Variants in IL1RAPL2 observed in about 807,000 individuals in gnomAD.
The protein encoded by IL1RAPL2 is X-linked interleukin-1 receptor accessory protein-like 2.
IL1RAPL2 carries 3 observed loss-of-function variants against 44.1 expected under a neutral mutation model. The observed-to-expected ratio is 0.07, with a 90% confidence interval of 0.03 to 0.18. The LOEUF (loss-of-function observed/expected upper bound fraction) is 0.18, where lower values mean the gene tolerates loss of function less well. Among genes scored for constraint, IL1RAPL2 ranks in the 10% least tolerant of loss-of-function variants. The probability of loss-of-function intolerance (pLI) is 1.00; values close to 1 mark genes in which losing one functional copy is unlikely to be tolerated. For synonymous variants in IL1RAPL2, 181 were observed against 178.8 expected (o/e 1.01, Z -0.10); for missense variants, 391 against 496.4 (o/e 0.79, Z 2.02).
At chrX:104,736,820 G>T (rs1030930054) in intron 2 of IL1RAPL2, among the ~76,000 whole-genome samples, 2 of 112,038 alleles carry the variant, frequency 1.8e-5, no homozygotes, top group Non-Finnish European at 3.8e-5. Context: ...AGCAATCCTG[G>T]CCTGAAAATA....
rs575732116 is a variant in IL1RAPL2, at chrX:105,637,027, A to T, written c.773-80340A>T. 2.7e-5 allele frequency among the ~76,000 whole-genome samples: 3 copies of T among 110,858 alleles called. No homozygotes were observed. The South Asian group carries it at 1.2e-3, about 43-fold the overall frequency. ...TGGCACTAAGTCTAACCTCTGGGCT[A>T]TTGGGTCATAGGAGAAGATGAGGGC... On this transcript the variant is annotated intron_variant, in intron 6 of 10. Coordinates refer to ENST00000372582, the MANE Select transcript of IL1RAPL2 (RefSeq NM_017416.2).
intron 2 of IL1RAPL2, among the ~76,000 whole-genome samples, chrX:104,962,443 C>G (rs1569352101): frequency 9.0e-6 from 1 of 111,496 alleles, no homozygotes; most frequent in Non-Finnish European, 1.9e-5. Flanking sequence ...AAAAAAAAAT[C>G]ATTTGCCCTA....
chrX:105,115,701 G>A (rs1216606354), intron 2 of IL1RAPL2, among the ~76,000 whole-genome samples: 2 of 112,988 alleles, frequency 1.8e-5, no homozygotes, highest in Non-Finnish European at 3.8e-5. Flanking sequence ...AGTGGGTCCC[G>A]CACTGGGCCG....
intron 6 of IL1RAPL2, among the ~76,000 whole-genome samples, chrX:105,558,327 T>G (rs1340361707): frequency 9.0e-6 from 1 of 111,669 alleles, no homozygotes; most frequent in East Asian, 2.8e-4. Flanking sequence ...TTAGCATGAG[T>G]GGCACATAAG....
rs1449784146 is a variant in IL1RAPL2, at chrX:105,685,969, G to A, written c.773-31398G>A. On this transcript the variant is annotated intron_variant, in intron 6 of 10. Coordinates refer to ENST00000372582, the MANE Select transcript of IL1RAPL2 (RefSeq NM_017416.2). Reference sequence around the variant, plus strand: ...AGCCAAACTAAGGTTCATAAGTGAAGGAGAAACAAAATCCTTTACAGACAA... The same window carrying A: ...AGCCAAACTAAGGTTCATAAGTGAAAGAGAAACAAAATCCTTTACAGACAA... 2.7e-5 allele frequency among the ~76,000 whole-genome samples: 3 copies of A among 111,105 alleles called. No homozygotes were observed. In the Admixed American group the frequency reaches 2.9e-4, roughly 11 times the overall value.
In IL1RAPL2 at chrX:104,889,080, G is replaced by T. The variant is rs138416667; in HGVS notation, c.82+230085G>T. ...GCCCCAACTGATCATAGTAACTTCC[G>T]AGTCACCCAAACAGCTCCATTCAGA... On this transcript the variant is annotated intron_variant, in intron 2 of 10. Coordinates refer to ENST00000372582, the MANE Select transcript of IL1RAPL2 (RefSeq NM_017416.2). 6.5e-3 allele frequency among the ~76,000 whole-genome samples: 720 copies of T among 110,915 alleles called. 3 individuals carry two copies. The highest frequency in any genetic ancestry group is 0.022 in the African/African-American group (685 of 30,462).
In IL1RAPL2 at chrX:105,468,570, G is replaced by A. The variant is rs192467825; in HGVS notation, c.698-15743G>A. Among the ~76,000 whole-genome samples, 506 of 111,678 alleles carry A rather than the reference G, an allele frequency of 4.5e-3. 2 individuals are homozygous for A. Among genetic ancestry groups the A allele is most frequent in the Non-Finnish European group, 6.1e-3 (322 of 53,073 alleles). ...TAATAATTTTTGAACAAGGGGCCAT[G>A]TTTTTCATTTTGCACTGGACCCTAC... On this transcript the variant is annotated intron_variant, in intron 5 of 10. Transcript: ENST00000372582.
At chrX:105,018,287 G>C (rs1191356735) in intron 2 of IL1RAPL2, among the ~76,000 whole-genome samples, 1 of 110,942 alleles carries the variant, frequency 9.0e-6, no homozygotes, top group Non-Finnish European at 1.9e-5. Context: ...TTACACTCTA[G>C]CCATGAATGA....
intron 2 of IL1RAPL2, among the ~76,000 whole-genome samples, chrX:105,067,853 C>A (rs1034681540): frequency 8.9e-6 from 1 of 111,869 alleles, no homozygotes; most frequent in Admixed American, 9.5e-5. Context: ...ATACAGAGAC[C>A]CTTTCCATCT....
chrX:105,159,077 A>G (rs1420969551), intron 2 of IL1RAPL2, among the ~76,000 whole-genome samples: 1 of 112,218 alleles, frequency 8.9e-6, no homozygotes, highest in Non-Finnish European at 1.9e-5. Flanking sequence ...TATGCACGTT[A>G]TCTAATTTAA....
At chrX:104,827,953 G>A (rs1426383472) in intron 2 of IL1RAPL2, among the ~76,000 whole-genome samples, 1 of 111,461 alleles carries the variant, frequency 9.0e-6, no homozygotes, top group African/African-American at 3.3e-5. Flanking sequence ...CGAAGTTCTC[G>A]TGCTGTGTTT....
At chrX:104,667,766 A>G (rs1930512714) in intron 2 of IL1RAPL2, among the ~76,000 whole-genome samples, 1 of 111,902 alleles carries the variant, frequency 8.9e-6, no homozygotes, top group African/African-American at 3.2e-5. Flanking sequence ...TTTAGGTTTC[A>G]GATGATCGAC....
intron 3 of IL1RAPL2, chrX:105,220,301 C>T (rs960253897): frequency 4.1e-6 from 5 of 1,208,486 alleles, no homozygotes; most frequent in African/African-American, 3.5e-5. Context: ...AGATAGAACT[C>T]GGGGCCTTTC....
chrX:104,748,992 G>A (rs1329134964), intron 2 of IL1RAPL2, among the ~76,000 whole-genome samples: 1 of 110,512 alleles, frequency 9.0e-6, no homozygotes, highest in Non-Finnish European at 1.9e-5. Flanking sequence ...GCAAATTGAG[G>A]AAATCAAGAA....
At chrX:105,471,074 G>A (rs978988723) in intron 5 of IL1RAPL2, among the ~76,000 whole-genome samples, 1 of 112,176 alleles carries the variant, frequency 8.9e-6, no homozygotes, top group Non-Finnish European at 1.9e-5. Context: ...TATACAGCTC[G>A]ATGTTCTCTT....
intron 6 of IL1RAPL2, among the ~76,000 whole-genome samples, chrX:105,519,250 C>A (rs745944415): frequency 1.8e-5 from 2 of 111,785 alleles, no homozygotes; most frequent in South Asian, 3.7e-4. Context: ...TAAATCTAGA[C>A]CATAAAAGAT....
chrX:105,013,209 C>G (rs2031097922), intron 2 of IL1RAPL2, among the ~76,000 whole-genome samples: 1 of 111,138 alleles, frequency 9.0e-6, no homozygotes. Flanking sequence ...TGGCTTCCAT[C>G]AGAGTCTTGG....
At chrX:104,799,246 C>A (rs908365196) in intron 2 of IL1RAPL2, among the ~76,000 whole-genome samples, 3 of 111,343 alleles carry the variant, frequency 2.7e-5, no homozygotes, top group African/African-American at 9.8e-5. Context: ...AGTCTTGCTG[C>A]GCCTGGATTA....
At chrX:104,621,505 T>C (rs1000357239) in intron 1 of IL1RAPL2, among the ~76,000 whole-genome samples, 4 of 107,369 alleles carry the variant, frequency 3.7e-5, no homozygotes, top group African/African-American at 1.0e-4. Flanking sequence ...CCCAGGGTGC[T>C]CTCTCTGCCA....
Sources: gnomAD v4.1 joint callset for allele counts (sites outside exome capture counted in the v4.1 genomes callset) on GRCh38, gnomAD v4.1.1 for gene constraint, MANE v1.5 for transcripts, NCBI Gene and HGNC (gene_info 2026-07-23, HGNC 2026-07-21) for gene names.